Variants in AUTS2 observed in about 807,000 individuals in gnomAD.
AUTS2 encodes the protein activator of transcription and developmental regulator AUTS2.
AUTS2 carries 17 observed loss-of-function variants against 112.4 expected under a neutral mutation model. The observed-to-expected ratio is 0.15, with a 90% CI of 0.10 to 0.23. The LOEUF (loss-of-function observed/expected upper bound fraction) is 0.23, where lower values mean the gene tolerates loss of function less well. Ranked by LOEUF, AUTS2 falls within the 10% of genes least tolerant of loss-of-function variation. The probability of loss-of-function intolerance (pLI) is 1.00; values close to 1 mark genes in which losing one functional copy is unlikely to be tolerated. For missense variants in AUTS2, 1,510 were observed against 1,701.6 expected (o/e 0.89, Z 1.98); for synonymous variants, 751 against 702.7 (o/e 1.07, Z -1.09).
At position 69,834,779 on chromosome 7, in the gene AUTS2, A is replaced by G. The variant is rs536843569; in HGVS notation, c.310-64507A>G. On this transcript the variant is annotated intron_variant, in intron 1 of 18. Coordinates refer to ENST00000342771, the MANE Select transcript of AUTS2 (RefSeq NM_015570.4). ...GGGCTCCTAAAAGGAGCCAGGAAGC[A>G]GCAGAGCCTGAGAATCCTATAACAT... 3.2e-4 allele frequency among the ~76,000 whole-genome samples: 49 copies of G among 152,360 alleles called. 2 individuals are homozygous for G. In the South Asian group the frequency reaches 9.5e-3, roughly 30 times the overall value.
intron 2 of AUTS2, among the ~76,000 whole-genome samples, chr7:69,976,582 CCCA>C (rs1449507373): frequency 6.6e-5 from 10 of 152,252 alleles, no homozygotes; most frequent in African/African-American, 2.4e-4. Flanking sequence ...ATTTTACAAT[CCCA>C]CCATTAGTGC....
intron 2 of AUTS2, among the ~76,000 whole-genome samples, chr7:69,903,343 A>G (rs1444872291): frequency 6.6e-5 from 10 of 152,224 alleles, no homozygotes; most frequent in Non-Finnish European, 1.5e-4. Flanking sequence ...TAATTTCAGT[A>G]TATCTGACTT....
At chr7:70,601,470 A>C (rs537962054) in intron 5 of AUTS2, among the ~76,000 whole-genome samples, 1 of 152,206 alleles carries the variant, frequency 6.6e-6, no homozygotes, top group Non-Finnish European at 1.5e-5. Flanking sequence ...TACCCACTGG[A>C]AAGTTCTAAT....
intron 2 of AUTS2, among the ~76,000 whole-genome samples, chr7:70,078,503 A>G (rs144827436): frequency 3.3e-5 from 5 of 152,208 alleles, no homozygotes; most frequent in South Asian, 2.1e-4. Flanking sequence ...ATCCTAATGA[A>G]GTAAAGTTTC....
intron 2 of AUTS2, among the ~76,000 whole-genome samples, chr7:70,116,651 A>G (rs190245833): frequency 6.6e-6 from 1 of 152,282 alleles, no homozygotes; most frequent in East Asian, 1.9e-4. Flanking sequence ...GAAACTGCTG[A>G]TCATTTCCCA....
At chr7:69,966,975 A>G (rs762043931) in intron 2 of AUTS2, among the ~76,000 whole-genome samples, 106 of 152,206 alleles carry the variant, frequency 7.0e-4, no homozygotes, top group Non-Finnish European at 1.2e-3. Context: ...GTAAGGGGGA[A>G]TAGTAAGAGA....
intron 5 of AUTS2, among the ~76,000 whole-genome samples, chr7:70,588,553 T>G (rs537316548): frequency 6.6e-6 from 1 of 152,316 alleles, no homozygotes; most frequent in East Asian, 1.9e-4. Flanking sequence ...GAAAGATTTT[T>G]GAAAACAGAT....
intron 1 of AUTS2, among the ~76,000 whole-genome samples, chr7:69,813,480 G>A (rs552938801): frequency 1.3e-5 from 2 of 152,220 alleles, no homozygotes; most frequent in African/African-American, 4.8e-5. Context: ...CCATTGGATA[G>A]ATGGCTGATG....
chr7:70,120,316 C>A (rs181631903), intron 3 of AUTS2: 163 of 152,108 alleles, frequency 1.1e-3, no homozygotes, highest in Admixed American at 2.3e-3. Context: ...ATAATAACCT[C>A]CCCTTCTTCT....
chr7:70,015,579 TAACAC>T (rs1355112599), intron 2 of AUTS2, among the ~76,000 whole-genome samples: 1 of 152,220 alleles, frequency 6.6e-6, no homozygotes, highest in Non-Finnish European at 1.5e-5. Flanking sequence ...TTAGTTGAGA[TAACAC>T]AACCCATGTT....
At chr7:70,071,065 T>G (rs1162630551) in intron 2 of AUTS2, among the ~76,000 whole-genome samples, 1 of 152,188 alleles carries the variant, frequency 6.6e-6, no homozygotes, top group Non-Finnish European at 1.5e-5. Context: ...TTAGGACCTT[T>G]CTGTGTTTCT....
At chr7:69,895,695 T>A (rs1794716955) in intron 1 of AUTS2, among the ~76,000 whole-genome samples, 1 of 152,228 alleles carries the variant, frequency 6.6e-6, no homozygotes, top group Admixed American at 6.5e-5. Context: ...TGAGAATTCC[T>A]TGATTAATAT....
intron 4 of AUTS2, among the ~76,000 whole-genome samples, chr7:70,421,866 A>C (rs895120460): frequency 6.6e-5 from 10 of 152,254 alleles, no homozygotes; most frequent in Admixed American, 4.6e-4. Flanking sequence ...TCAAAACAGG[A>C]AACTTGAGAC....
intron 6 of AUTS2, among the ~76,000 whole-genome samples, chr7:70,730,541 C>G (rs1787319479): frequency 6.6e-6 from 1 of 152,148 alleles, no homozygotes; most frequent in Non-Finnish European, 1.5e-5. Flanking sequence ...GCTTCTTTCA[C>G]TTAGCATAAT....
intron 4 of AUTS2, among the ~76,000 whole-genome samples, chr7:70,379,063 G>A (rs567051872): frequency 6.6e-6 from 1 of 151,932 alleles, no homozygotes; most frequent in Non-Finnish European, 1.5e-5. Context: ...TTAAGTTGCT[G>A]GATATAAGCC....
At chr7:69,740,594 G>A (rs1584167219) in intron 1 of AUTS2, among the ~76,000 whole-genome samples, 1 of 151,860 alleles carries the variant, frequency 6.6e-6, no homozygotes, top group South Asian at 2.1e-4. Context: ...TGTGATCTTG[G>A]CTCACTGCAA....
At chr7:69,937,611 TTCCACACTGAGAAGAGGGCAGAG>T (rs1253582056) in intron 2 of AUTS2, among the ~76,000 whole-genome samples, 1 of 152,192 alleles carries the variant, frequency 6.6e-6, no homozygotes, top group Non-Finnish European at 1.5e-5. Context: ...TATGGACCTC[TTCCACACTGAGAAGAGGGCAGAG>T]CCCAGTCATC....
At chr7:69,914,006 C>G (rs531602172) in intron 2 of AUTS2, among the ~76,000 whole-genome samples, 1 of 152,114 alleles carries the variant, frequency 6.6e-6, no homozygotes, top group African/African-American at 2.4e-5. Context: ...GGGCTTTTCT[C>G]GACCATATGG....
intron 5 of AUTS2, among the ~76,000 whole-genome samples, chr7:70,624,908 C>G (rs1429384414): frequency 6.6e-6 from 1 of 152,102 alleles, no homozygotes; most frequent in Non-Finnish European, 1.5e-5. Flanking sequence ...AGGTTTTTTT[C>G]TCTGCCAGTG....
Sources: gnomAD v4.1 joint callset for allele counts (sites outside exome capture counted in the v4.1 genomes callset) on GRCh38, gnomAD v4.1.1 for gene constraint, MANE v1.5 for transcripts, NCBI Gene and HGNC (gene_info 2026-07-23, HGNC 2026-07-21) for gene names.